SKIC3: variants seen among roughly 807,000 people sequenced by gnomAD.
SKIC3 encodes the protein superkiller complex protein 3.
chr5:95,474,367 T>C, the SKIC3 span, among the ~76,000 whole-genome samples: 5 of 152,180 alleles, frequency 3.3e-5, no homozygotes, highest in African/African-American at 1.2e-4. Context: ...TTGGTCAGAA[T>C]TTCTTTTCAT....
At chr5:95,473,709 G>A in the SKIC3 span, among the ~76,000 whole-genome samples, 36 of 152,116 alleles carry the variant, frequency 2.4e-4, no homozygotes, top group Admixed American at 2.4e-3. Flanking sequence ...CCACTTATAT[G>A]TCTTCTTTTG....
the SKIC3 span, among the ~76,000 whole-genome samples, chr5:95,550,940 A>G: frequency 0.18 from 26,669 of 151,958 alleles, 2,650 homozygotes; most frequent in East Asian, 0.34. Context: ...CCCAAAATAC[A>G]CTGATGTCAA....
chr5:95,521,787 A>G, the SKIC3 span, among the ~76,000 whole-genome samples: 7 of 152,108 alleles, frequency 4.6e-5, no homozygotes, highest in Non-Finnish European at 4.4e-5. Context: ...CATGTTTTAG[A>G]GATCAATTTT....
chr5:95,547,040 G>T, the SKIC3 span: 8 of 1,601,812 alleles, frequency 5.0e-6, no homozygotes, highest in South Asian at 7.7e-5. Flanking sequence ...TTTCATTGTG[G>T]AAGAAAAAAA....
the SKIC3 span, chr5:95,529,354 T>C: frequency 5.6e-6 from 3 of 532,474 alleles, no homozygotes; most frequent in Admixed American, 9.3e-5. Flanking sequence ...CAATGCATTC[T>C]TTACACTGTA....
the SKIC3 span, chr5:95,547,145 G>A: frequency 1.9e-6 from 3 of 1,612,744 alleles, no homozygotes; most frequent in African/African-American, 4.0e-5. Context: ...CTTCCTTGCT[G>A]GACATTCTGT....
At chr5:95,506,853 GT>G in the SKIC3 span, 1 of 1,361,600 alleles carries the variant, frequency 7.3e-7, no homozygotes, top group Non-Finnish European at 1.0e-6. Flanking sequence ...CTAGGAACTA[GT>G]CAGCATATCA....
the SKIC3 span, among the ~76,000 whole-genome samples, chr5:95,550,411 A>C: frequency 6.6e-6 from 1 of 151,800 alleles, no homozygotes; most frequent in African/African-American, 2.4e-5. Context: ...AGGAAAAAAA[A>C]CGATATCTTT....
At chr5:95,505,648 C>T in the SKIC3 span, among the ~76,000 whole-genome samples, 1 of 151,948 alleles carries the variant, frequency 6.6e-6, no homozygotes, top group Non-Finnish European at 1.5e-5. Context: ...TCCGTCTCTA[C>T]TAAAAATACA....
chr5:95,469,844 A>C, the SKIC3 span: 1 of 1,614,240 alleles, frequency 6.2e-7, no homozygotes, highest in Non-Finnish European at 8.5e-7. Flanking sequence ...GGACAAAAGC[A>C]AAGCTTCAAG....
the SKIC3 span, chr5:95,478,479 T>C: frequency 1.2e-6 from 2 of 1,613,212 alleles, no homozygotes; most frequent in Non-Finnish European, 1.7e-6. Flanking sequence ...CAAAGGATTT[T>C]AGTTTATTAT....
the SKIC3 span, among the ~76,000 whole-genome samples, chr5:95,496,811 C>T: frequency 0.07 from 10,707 of 152,064 alleles, 464 homozygotes; most frequent in African/African-American, 0.11. Flanking sequence ...TTAGTCGTGG[C>T]AAGTGTTCAA....
the SKIC3 span, among the ~76,000 whole-genome samples, chr5:95,518,887 C>CTGT: frequency 6.6e-6 from 1 of 151,998 alleles, no homozygotes. Context: ...AAACTCCATA[C>CTGT]TGTTCTCCAC....
chr5:95,522,208 C>T, the SKIC3 span: 2 of 1,613,738 alleles, frequency 1.2e-6, no homozygotes, highest in African/African-American at 1.3e-5. Flanking sequence ...TTGTGAAGGA[C>T]TTCAAGGCTG....
chr5:95,523,597 T>G, the SKIC3 span: 282 of 1,548,358 alleles, frequency 1.8e-4, 3 homozygotes, highest in Middle Eastern at 8.7e-4. Context: ...ATAAAAATAT[T>G]TTCATTTATA....
the SKIC3 span, among the ~76,000 whole-genome samples, chr5:95,484,270 T>G: frequency 6.6e-6 from 1 of 151,732 alleles, no homozygotes; most frequent in Admixed American, 6.6e-5. Context: ...CAGTAATCAA[T>G]AAATTTTAGT....
chr5:95,507,832 A>G, the SKIC3 span, among the ~76,000 whole-genome samples: 490 of 152,254 alleles, frequency 3.2e-3, 2 homozygotes, highest in Middle Eastern at 0.054. Context: ...CAGTCAAGAA[A>G]GTGGTACATA....
the SKIC3 span, chr5:95,546,960 AC>A: frequency 8.2e-7 from 1 of 1,216,244 alleles, no homozygotes; most frequent in South Asian, 1.2e-5. Flanking sequence ...TGGCCTTACC[AC>A]TTTTGCTGTT....
At chr5:95,491,105 T>C in the SKIC3 span, 4 of 1,595,462 alleles carry the variant, frequency 2.5e-6, no homozygotes, top group African/African-American at 1.4e-5. Flanking sequence ...CTATCAAAAA[T>C]GAGATTAAGA....
Sources: gnomAD v4.1 joint callset for allele counts (sites outside exome capture counted in the v4.1 genomes callset) on GRCh38, gnomAD v4.1.1 for gene constraint, MANE v1.5 for transcripts, NCBI Gene and HGNC (gene_info 2026-07-23, HGNC 2026-07-21) for gene names.